Variants in CAMSAP2 observed in about 807,000 individuals in gnomAD.
CAMSAP2 encodes calmodulin regulated spectrin associated protein family member 2, also known as calmodulin-regulated spectrin-associated protein 2.
A neutral mutation model predicts 146.1 loss-of-function variants in CAMSAP2; 26 were observed. The ratio of observed to expected loss-of-function variants is 0.18; its 90% CI spans 0.13 to 0.25. CAMSAP2 has a LOEUF of 0.25. Among genes scored for constraint, CAMSAP2 ranks in the 10% least tolerant of loss-of-function variants. CAMSAP2 has a pLI of 1.00. For missense variants in CAMSAP2, 1,381 were observed against 1,759.3 expected, an observed-to-expected ratio of 0.78 and a Z score of 3.85; for synonymous variants, 499 against 596.6, an observed-to-expected ratio of 0.84 and a Z score of 2.38.
intron 2 of CAMSAP2, among the ~76,000 whole-genome samples, chr1:200,783,493 C>T (rs1665496549): frequency 6.6e-6 from 1 of 151,780 alleles, no homozygotes; most frequent in Non-Finnish European, 1.5e-5. Flanking sequence ...CTTTTCTTTT[C>T]TTCTTTTGAG....
chr1:200,807,977 G>A (rs923200313), intron 3 of CAMSAP2, among the ~76,000 whole-genome samples: 5 of 151,886 alleles, frequency 3.3e-5, no homozygotes, highest in Admixed American at 6.6e-5. Flanking sequence ...CTGGCCTCAC[G>A]GTGATCTACC....
At chr1:200,766,361 G>A (rs547608071) in intron 2 of CAMSAP2, among the ~76,000 whole-genome samples, 6 of 152,114 alleles carry the variant, frequency 3.9e-5, no homozygotes, top group African/African-American at 1.4e-4. Context: ...ATGTTGCCCA[G>A]GCTGATCTCA....
intron 11 of CAMSAP2, 143 bp from the exon 12 acceptor site, chr1:200,852,398 C>A: frequency 2.4e-6 from 2 of 822,086 alleles, no homozygotes; most frequent in Non-Finnish European, 3.6e-6. Flanking sequence ...TTCATAATTT[C>A]TCAACCACAC....
intron 4 of CAMSAP2, among the ~76,000 whole-genome samples, chr1:200,816,116 A>T: frequency 6.6e-6 from 1 of 152,024 alleles, no homozygotes; most frequent in Middle Eastern, 3.2e-3. Flanking sequence ...AAACATGATG[A>T]AGCCCCATCT....
At position 200,832,221 on chromosome 1, in the gene CAMSAP2, A is replaced by G. The variant is rs781394830; in HGVS notation, c.667A>G (p.Thr223Ala). 23 of 1,611,990 alleles carry G rather than the reference A, an allele frequency of 1.4e-5. No homozygotes were observed. In the Middle Eastern group the frequency reaches 6.6e-4, roughly 46 times the overall value. Residue 223 changes from threonine (T) to alanine (A), a missense_variant, in exon 5 of 17, where the codon ACA becomes GCA. Physicochemically the swap from Thr to Ala is moderately conservative, Grantham distance 58. Transcript: ENST00000358823. The surrounding 1 kb of genome is among the most constrained non-coding windows in gnomAD (Gnocchi z 4.2). ...GQKARYRKEQ[T>A]LLKQLPCIPL... ...GTAGGCTCGTTATCGGAAAGAGCAA[A>G]CATTGCTTAAGCAACTGCCTTGCAT...
In CAMSAP2 at chr1:200,760,876, A is replaced by C; in HGVS notation, c.177A>C (p.Thr59=). The change falls in exon 2 of 17, where the codon ACA becomes ACC. Residue 59 remains threonine, a synonymous_variant. Coordinates refer to ENST00000358823, the MANE Select transcript of CAMSAP2 (RefSeq NM_203459.4). ...AGGAACTTCAAGAACCATTTTACAC[A>C]GATCAGTATGACCAGGAACACATCA... The part of the protein sequence containing the change: ...VPEELQEPFY[T]DQYDQEHIKP... 1 of 1,613,982 alleles carries C rather than the reference A, an allele frequency of 6.2e-7. No homozygotes were observed. The highest frequency in any genetic ancestry group is 1.3e-5 in the African/African-American group (1 of 75,056).
intron 1 of CAMSAP2, among the ~76,000 whole-genome samples, chr1:200,753,228 G>T (rs1285329250): frequency 6.6e-6 from 1 of 150,796 alleles, no homozygotes; most frequent in African/African-American, 2.4e-5. Flanking sequence ...AACCTGGGAG[G>T]CAGAGGTTTT....
intron 3 of CAMSAP2, among the ~76,000 whole-genome samples, chr1:200,810,507 C>T (rs538084409): frequency 5.5e-4 from 80 of 145,096 alleles, no homozygotes; most frequent in Non-Finnish European, 9.2e-4. Context: ...ACCTGGGAGG[C>T]GGAGGTTGCT....
At chr1:200,826,468 G>A (rs1373523884) in intron 4 of CAMSAP2, among the ~76,000 whole-genome samples, 1 of 151,396 alleles carries the variant, frequency 6.6e-6, no homozygotes, top group African/African-American at 2.4e-5. Context: ...AAGTTAACAA[G>A]TCATGCAGTA....
rs1399716174 is a variant in CAMSAP2 at position 200,816,652 on chromosome 1, GCACA to G, written c.645+1013_645+1016del. On this transcript the variant is annotated intron_variant, in intron 4 of 16. Transcript: ENST00000358823. ...TATATATATACACACACATATATAT[GCACA>G]CACATACACATGTGTATATGTGTGT... is the stretch of plus-strand genomic sequence containing the variant. 1.4e-5 allele frequency among the ~76,000 whole-genome samples: 2 copies of G among 139,480 alleles called. 1 individual carries two copies. The highest frequency in any genetic ancestry group is 3.1e-5 in the Non-Finnish European group (2 of 64,390). The allele number at this position is 139,480 out of a possible 152,430, so 91.5% of individuals were successfully genotyped here.
chr1:200,775,400 G>T (rs1361070529), intron 2 of CAMSAP2, among the ~76,000 whole-genome samples: 2 of 152,152 alleles, frequency 1.3e-5, no homozygotes, highest in African/African-American at 4.8e-5. Flanking sequence ...AATGTGCAAG[G>T]ATGTCTCTGG....
At chr1:200,748,539 A>G (rs975971692) in intron 1 of CAMSAP2, among the ~76,000 whole-genome samples, 7 of 151,418 alleles carry the variant, frequency 4.6e-5, no homozygotes, top group Admixed American at 1.3e-4. Flanking sequence ...TTTCTTTTTC[A>G]GGTATATATG....
At chr1:200,805,041 A>G (rs1009366727) in intron 2 of CAMSAP2, among the ~76,000 whole-genome samples, 2 of 152,210 alleles carry the variant, frequency 1.3e-5, no homozygotes, top group Non-Finnish European at 2.9e-5. Context: ...GATTATAGAA[A>G]GTGTTTTTTA....
chr1:200,826,565 G>C (rs1293122041), intron 4 of CAMSAP2, among the ~76,000 whole-genome samples: 1 of 152,120 alleles, frequency 6.6e-6, no homozygotes, highest in Non-Finnish European at 1.5e-5. Context: ...TATCCTCCTG[G>C]AACGGCCTGA....
chr1:200,769,589 C>T (rs374807375), intron 2 of CAMSAP2, among the ~76,000 whole-genome samples: 2 of 152,162 alleles, frequency 1.3e-5, no homozygotes, highest in South Asian at 4.1e-4. Flanking sequence ...TCCCATGACC[C>T]CCTCTTTGGG....
In CAMSAP2 at chr1:200,775,015, A is replaced by G. The variant is rs543864256; in HGVS notation, c.399+13917A>G. 8.5e-5 allele frequency among the ~76,000 whole-genome samples: 13 copies of G among 152,358 alleles called. No individual in the cohort carries two copies. The South Asian group carries it at 2.7e-3, about 32-fold the overall frequency. ...TAGTAGTAAAGTTGACCAGTAAACA[A>G]TTAGACAAATTGTAACAATTGCAGG... On this transcript the variant is annotated intron_variant, in intron 2 of 16. Transcript: ENST00000358823.
In CAMSAP2 at chr1:200,832,868, T is replaced by C. The variant is rs1303802002; in HGVS notation, c.927+23T>C. On this transcript the variant is annotated intron_variant, in intron 6 of 16. Transcript: ENST00000358823. The surrounding 1 kb of genome is among the most constrained non-coding windows in gnomAD (Gnocchi z 4.2). ...AAGGTAAATTAAATTATTCTTTTTT[T>C]CCCTTTGCTTTGTTAAAATATGTTT... 1.3e-6 allele frequency: 2 copies of C among 1,544,142 alleles called. No homozygotes were observed. Among genetic ancestry groups the C allele is most frequent in the Non-Finnish European group, 1.7e-6 (2 of 1,146,920 alleles).
At chr1:200,767,361 C>CAA (rs755665820) in intron 2 of CAMSAP2, among the ~76,000 whole-genome samples, 3 of 72,974 alleles carry the variant, frequency 4.1e-5, no homozygotes, top group Admixed American at 1.6e-4. Context: ...GACTCCATCT[C>CAA]AAAAAAAAAA....
At chr1:200,825,229 G>C (rs1483415688) in intron 4 of CAMSAP2, among the ~76,000 whole-genome samples, 1 of 151,778 alleles carries the variant, frequency 6.6e-6, no homozygotes, top group Non-Finnish European at 1.5e-5. Context: ...TGAATATGTA[G>C]AACATTGACA....
Sources: gnomAD v4.1 joint callset for allele counts (sites outside exome capture counted in the v4.1 genomes callset) on GRCh38, gnomAD v4.1.1 for gene constraint, Gnocchi (gnomAD v3.1) non-coding constraint, MANE v1.5 for transcripts, NCBI Gene and HGNC (gene_info 2026-07-23, HGNC 2026-07-21) for gene names.